The following SV2C variants were observed in gnomAD, a reference collection of about 807,000 sequenced individuals.
SV2C encodes the protein synaptic vesicle glycoprotein 2C.
In SV2C, 49 loss-of-function variants were observed where a neutral mutation model predicts 79.7. The observed-to-expected ratio is 0.61, with a 90% CI of 0.49 to 0.78. The LOEUF (loss-of-function observed/expected upper bound fraction) is 0.78, where lower values mean the gene tolerates loss of function less well. Ranked by LOEUF, SV2C falls within the 30% of genes least tolerant of loss-of-function variation. SV2C has a pLI of 0.00. For synonymous variants in SV2C, 334 were observed against 333.2 expected, an observed-to-expected ratio of 1.00 and a Z score of -0.03; for missense variants, 833 against 912.9, an observed-to-expected ratio of 0.91 and a Z score of 1.13.
At chr5:76,136,838 A>G (rs1181988894) in intron 2 of SV2C, among the ~76,000 whole-genome samples, 1 of 152,220 alleles carries the variant, frequency 6.6e-6, no homozygotes, top group East Asian at 1.9e-4. Flanking sequence ...TTGGTAGGCA[A>G]TTATGTGAAC....
the SV2C span, among the ~76,000 whole-genome samples, chr5:76,017,530 C>T: frequency 6.6e-6 from 1 of 152,174 alleles, no homozygotes; most frequent in Non-Finnish European, 1.5e-5. Flanking sequence ...CCACCTGCTT[C>T]AGCCTCCCAA....
chr5:76,236,504 A>G (rs1220147271), intron 4 of SV2C, among the ~76,000 whole-genome samples: 1 of 151,992 alleles, frequency 6.6e-6, no homozygotes, highest in African/African-American at 2.4e-5. Flanking sequence ...AGAGGTTGCA[A>G]TGATCCAAGA....
At chr5:76,298,752 C>T in intron 9 of SV2C, 42 bp from the exon 10 acceptor site, 5 of 1,601,728 alleles carry the variant, frequency 3.1e-6, no homozygotes, top group Non-Finnish European at 4.3e-6. Context: ...CTTTGATGGA[C>T]ACAGTCATTG....
rs1745721398 is a variant in SV2C, at chr5:76,239,655, CA to C, written c.913+29771del. Among the ~76,000 whole-genome samples the C allele has an allele frequency of 3.3e-5, 5 of 152,286 alleles. No individual in the cohort carries two copies. The South Asian group carries it at 1.0e-3, about 32-fold the overall frequency. ...GTTCATCTCCACATGAGCCTCTCCC[CA>C]AATGGGCCTCTCCACCCTGCTTGAG... On this transcript the variant is annotated intron_variant, in intron 4 of 12. Coordinates refer to ENST00000502798, the MANE Select transcript of SV2C (RefSeq NM_014979.4).
chr5:76,161,154 A>T lies in SV2C; in HGVS notation c.580+28824A>T, dbSNP rs573812767. On this transcript the variant is annotated intron_variant, in intron 2 of 12. Transcript: ENST00000502798. Reference sequence around the variant, plus strand: ...TAAATTAATGAATAGACAAATTTTGAATATGTACACAGTGGGATATTACTT... The same window carrying T: ...TAAATTAATGAATAGACAAATTTTGTATATGTACACAGTGGGATATTACTT... Among the ~76,000 whole-genome samples, 7 of 152,300 alleles carry T rather than the reference A, an allele frequency of 4.6e-5. No homozygotes were observed. In the South Asian group the frequency reaches 1.5e-3, roughly 32 times the overall value.
the SV2C span, among the ~76,000 whole-genome samples, chr5:76,013,310 G>A: frequency 0.18 from 27,985 of 152,076 alleles, 2,952 homozygotes; most frequent in East Asian, 0.43. Flanking sequence ...TTTCCTTGAA[G>A]AGGTCCTTCA....
intron 2 of SV2C, among the ~76,000 whole-genome samples, chr5:76,133,392 A>G (rs1748968609): frequency 1.3e-5 from 2 of 152,278 alleles, no homozygotes; most frequent in Non-Finnish European, 2.9e-5. Context: ...TAACTTTATT[A>G]AGTAATGTTA....
the SV2C span, among the ~76,000 whole-genome samples, chr5:75,871,493 A>C: frequency 6.6e-6 from 1 of 152,136 alleles, no homozygotes; most frequent in African/African-American, 2.4e-5. Context: ...TATTTAAAAA[A>C]CTATGTAAGT....
the SV2C span, among the ~76,000 whole-genome samples, chr5:76,047,513 G>T: frequency 6.6e-6 from 1 of 152,032 alleles, no homozygotes; most frequent in Non-Finnish European, 1.5e-5. Context: ...ATGGCATTTG[G>T]GTTGTTCCCA....
At chr5:76,023,331 A>G in the SV2C span, among the ~76,000 whole-genome samples, 1 of 152,194 alleles carries the variant, frequency 6.6e-6, no homozygotes, top group Non-Finnish European at 1.5e-5. Flanking sequence ...AAAGACTTAA[A>G]TAGGAAGCTG....
chr5:76,148,531 C>T (rs1025136078), intron 2 of SV2C, among the ~76,000 whole-genome samples: 1 of 152,108 alleles, frequency 6.6e-6, no homozygotes, highest in African/African-American at 2.4e-5. Flanking sequence ...CTCACTGTAG[C>T]CTCAACCTCC....
the SV2C span, among the ~76,000 whole-genome samples, chr5:75,997,069 CA>C: frequency 2.0e-5 from 3 of 150,326 alleles, no homozygotes; most frequent in Admixed American, 6.7e-5. Flanking sequence ...TGCCAGTTTT[CA>C]AAGGGAATGC....
chr5:76,154,870 G>A (rs1211895856), intron 2 of SV2C, among the ~76,000 whole-genome samples: 3 of 152,134 alleles, frequency 2.0e-5, no homozygotes, highest in Non-Finnish European at 4.4e-5. Flanking sequence ...TTTCCAAAGA[G>A]GGTTTTGGGA....
intron 12 of SV2C, among the ~76,000 whole-genome samples, chr5:76,347,631 A>G (rs1291416337): frequency 1.3e-5 from 2 of 152,128 alleles, no homozygotes; most frequent in African/African-American, 4.8e-5. Flanking sequence ...TAATAGGGAC[A>G]GGATTTCACC....
At chr5:76,016,269 A>AAAAAAAAAAAAAAAAAAAAAAAAAC in the SV2C span, among the ~76,000 whole-genome samples, 1 of 150,990 alleles carries the variant, frequency 6.6e-6, no homozygotes, top group African/African-American at 2.4e-5. Flanking sequence ...AAAAAAAAAA[A>AAAAAAAAAAAAAAAAAAAAAAAAAC]AAGCTGTGCA....
At chr5:76,213,164 G>A (rs1359896308) in intron 4 of SV2C, among the ~76,000 whole-genome samples, 3 of 152,052 alleles carry the variant, frequency 2.0e-5, no homozygotes, top group African/African-American at 7.2e-5. Flanking sequence ...GCTTTCCATG[G>A]CCAGAAGTGT....
the SV2C span, among the ~76,000 whole-genome samples, chr5:75,852,911 G>C: frequency 6.6e-6 from 1 of 151,652 alleles, no homozygotes; most frequent in African/African-American, 2.4e-5. Flanking sequence ...TAGAAAGCTT[G>C]GATCTACAAT....
At chr5:76,304,561 A>C (rs772908974) in intron 12 of SV2C, among the ~76,000 whole-genome samples, 3 of 152,240 alleles carry the variant, frequency 2.0e-5, no homozygotes, top group Non-Finnish European at 4.4e-5. Flanking sequence ...ACCTGAGACT[A>C]AGTAATTTAT....
the SV2C span, among the ~76,000 whole-genome samples, chr5:76,017,447 A>G: frequency 6.6e-6 from 1 of 152,066 alleles, no homozygotes; most frequent in South Asian, 2.1e-4. Flanking sequence ...CCACCATACC[A>G]GGCTAATTTT....
Sources: allele counts gnomAD v4.1 joint callset (sites outside exome capture counted in the v4.1 genomes callset), GRCh38; gene constraint gnomAD v4.1.1; transcripts MANE v1.5; gene names NCBI Gene and HGNC (gene_info 2026-07-23, HGNC 2026-07-21).